Variants in ZDHHC14 observed in about 807,000 individuals in gnomAD.
ZDHHC14 encodes the protein zDHHC palmitoyltransferase 14.
A neutral mutation model predicts 47.7 loss-of-function variants in ZDHHC14; 16 were observed. That is an observed-to-expected ratio of 0.34 (90% confidence interval 0.23 to 0.51). ZDHHC14 has a LOEUF of 0.51. Ranked by LOEUF, ZDHHC14 falls within the 20% of genes least tolerant of loss-of-function variation. The pLI, the probability that ZDHHC14 is intolerant of heterozygous loss-of-function variation, is 0.97. For synonymous variants in ZDHHC14, 293 were observed against 278.9 expected, an observed-to-expected ratio of 1.05 and a Z score of -0.50; for missense variants, 515 against 662.5, an observed-to-expected ratio of 0.78 and a Z score of 2.44.
At chr6:157,574,376 T>A (rs1783219009) in intron 2 of ZDHHC14, among the ~76,000 whole-genome samples, 1 of 152,090 alleles carries the variant, frequency 6.6e-6, no homozygotes, top group African/African-American at 2.4e-5. Context: ...TCAGCCGAGA[T>A]CGCGCCACTG....
intron 2 of ZDHHC14, among the ~76,000 whole-genome samples, chr6:157,567,354 C>G (rs1297200864): frequency 6.6e-6 from 1 of 152,166 alleles, no homozygotes; most frequent in Admixed American, 6.5e-5. Flanking sequence ...TGATTGGATC[C>G]TGGATGCCAG....
intron 1 of ZDHHC14, among the ~76,000 whole-genome samples, chr6:157,397,249 T>A (rs940689401): frequency 6.6e-6 from 1 of 152,206 alleles, no homozygotes; most frequent in Non-Finnish European, 1.5e-5. Flanking sequence ...CTCTCTTCCC[T>A]CAGATTTAGT....
intron 2 of ZDHHC14, among the ~76,000 whole-genome samples, chr6:157,591,176 A>G (rs527915186): frequency 9.2e-5 from 14 of 152,282 alleles, no homozygotes; most frequent in Admixed American, 9.1e-4. Flanking sequence ...CTTTTGGGTT[A>G]ATGCTAGAAT....
At chr6:157,452,778 C>T (rs1255374674) in intron 1 of ZDHHC14, among the ~76,000 whole-genome samples, 2 of 138,396 alleles carry the variant, frequency 1.4e-5, no homozygotes, top group African/African-American at 2.7e-5. Flanking sequence ...TCTCGGCTCA[C>T]TGCAAGCTCC....
intron 8 of ZDHHC14, 99 bp from the exon 9 acceptor site, chr6:157,672,625 C>CT: frequency 3.9e-5 from 9 of 229,140 alleles, no homozygotes; most frequent in South Asian, 9.2e-5. Flanking sequence ...TCTTCTCGCA[C>CT]CCCACCCTCC....
At chr6:157,486,016 T>G (rs1779771553) in intron 1 of ZDHHC14, among the ~76,000 whole-genome samples, 1 of 152,190 alleles carries the variant, frequency 6.6e-6, no homozygotes, top group African/African-American at 2.4e-5. Context: ...CGGTGCCCCC[T>G]CAAAAGAAAG....
chr6:157,432,073 GA>G (rs1325599557), intron 1 of ZDHHC14, among the ~76,000 whole-genome samples: 2 of 151,952 alleles, frequency 1.3e-5, no homozygotes, highest in Non-Finnish European at 2.9e-5. Context: ...TTTACTCTTG[GA>G]CCTTTAGAAA....
intron 1 of ZDHHC14, among the ~76,000 whole-genome samples, chr6:157,475,791 A>G (rs976414052): frequency 2.0e-5 from 3 of 152,182 alleles, no homozygotes; most frequent in African/African-American, 7.2e-5. Flanking sequence ...GGAATTGCAG[A>G]AAAATTCACA....
At position 157,458,849 on chromosome 6, in the gene ZDHHC14, A is replaced by ATTTTTTTTTTTTTTTTTTTTTTTT. The variant is rs750975822; in HGVS notation, c.245+76605_245+76606insTTTTTTTTTTTTTTTTTTTTTTTT. ...TACAGGTACTAGCAAATGTGGGTGG[A>ATTTTTTTTTTTTTTTTTTTTTTTT]TTTTTTTTTTTTTTTTTTTTTTGAG... On this transcript the variant is annotated intron_variant, in intron 1 of 8. Coordinates refer to ENST00000359775, the MANE Select transcript of ZDHHC14 (RefSeq NM_024630.3). Among the ~76,000 whole-genome samples the ATTTTTTTTTTTTTTTTTTTTTTTT allele has an allele frequency of 2.4e-3, 192 of 81,206 alleles. 40 individuals carry two copies. The highest frequency in any genetic ancestry group is 5.1e-3 in the East Asian group (11 of 2,178). The allele number at this position is 81,206 out of a possible 152,430, so 53.3% of individuals were successfully genotyped here.
chr6:157,450,516 T>TAA (rs35262370), intron 1 of ZDHHC14, among the ~76,000 whole-genome samples: 7,869 of 137,632 alleles, frequency 0.057, 552 homozygotes, highest in African/African-American at 0.17. Flanking sequence ...GACTCCGTCT[T>TAA]AAAAAAAAAA....
chr6:157,599,081 G>A (rs1784239383), intron 3 of ZDHHC14, among the ~76,000 whole-genome samples: 1 of 152,238 alleles, frequency 6.6e-6, no homozygotes, highest in Non-Finnish European at 1.5e-5. Context: ...AACTGCAGTT[G>A]TAAAATATTT....
intron 8 of ZDHHC14, among the ~76,000 whole-genome samples, 156 bp downstream of exon 8, chr6:157,653,783 G>T (rs942698925): frequency 6.6e-6 from 1 of 152,212 alleles, no homozygotes; most frequent in African/African-American, 2.4e-5. Context: ...AGGAGGCAAG[G>T]CGTTAAACTA....
intron 2 of ZDHHC14, among the ~76,000 whole-genome samples, chr6:157,591,204 G>A (rs1191316791): frequency 6.6e-6 from 1 of 152,196 alleles, no homozygotes; most frequent in Non-Finnish European, 1.5e-5. Flanking sequence ...GACTTTGGGG[G>A]ACTGTTGGAA....
At chr6:157,478,745 T>C (rs1333677186) in intron 1 of ZDHHC14, among the ~76,000 whole-genome samples, 2 of 152,266 alleles carry the variant, frequency 1.3e-5, no homozygotes, top group Non-Finnish European at 2.9e-5. Context: ...TTTATATCCC[T>C]AACACTTAGA....
chr6:157,407,393 G>C (rs1777785789), intron 1 of ZDHHC14, among the ~76,000 whole-genome samples: 1 of 152,102 alleles, frequency 6.6e-6, no homozygotes, highest in Non-Finnish European at 1.5e-5. Context: ...GGATTCATTG[G>C]GGATGAAAGT....
At chr6:157,425,077 G>A (rs1463028564) in intron 1 of ZDHHC14, among the ~76,000 whole-genome samples, 3 of 152,182 alleles carry the variant, frequency 2.0e-5, no homozygotes, top group Non-Finnish European at 4.4e-5. Flanking sequence ...AATTTAGGAA[G>A]CATTGACATT....
chr6:157,545,257 G>A (rs538884215), intron 2 of ZDHHC14, among the ~76,000 whole-genome samples: 4 of 152,154 alleles, frequency 2.6e-5, no homozygotes, highest in African/African-American at 9.6e-5. Context: ...TTATGAACAT[G>A]GTCTAAAATT....
chr6:157,459,494 A>C (rs1779012969), intron 1 of ZDHHC14, among the ~76,000 whole-genome samples: 1 of 152,168 alleles, frequency 6.6e-6, no homozygotes, highest in South Asian at 2.1e-4. Flanking sequence ...GTGACAGTGG[A>C]GTGTGAACAA....
chr6:157,384,092 A>T (rs139113960), intron 1 of ZDHHC14, among the ~76,000 whole-genome samples: 1,926 of 152,034 alleles, frequency 0.013, 17 homozygotes, highest in Non-Finnish European at 0.017. Flanking sequence ...ACAGTTTTTT[A>T]AAAAAAATCT....
Sources: allele counts gnomAD v4.1 joint callset (sites outside exome capture counted in the v4.1 genomes callset), GRCh38; gene constraint gnomAD v4.1.1; transcripts MANE v1.5; gene names NCBI Gene and HGNC (gene_info 2026-07-23, HGNC 2026-07-21).